The following RIMS2 variants were observed in gnomAD, a reference collection of about 807,000 sequenced individuals.
RIMS2 encodes the protein regulating synaptic membrane exocytosis protein 2.
In RIMS2, 59 loss-of-function variants were observed where a neutral mutation model predicts 174.4. That is an observed-to-expected ratio of 0.34 (90% CI 0.27 to 0.42). The LOEUF is 0.42. RIMS2 is among the 10% of genes least tolerant of loss of function. The pLI, the probability that RIMS2 is intolerant of heterozygous loss-of-function variation, is 1.00. For synonymous variants in RIMS2, 606 were observed against 572.5 expected (o/e 1.06, Z -0.84); for missense variants, 1,620 against 1,666.3 (o/e 0.97, Z 0.48).
Position 103,998,102 on chromosome 8 carries a change from T to A in RIMS2, c.3044+8681T>A. ...CTTACTGTCTGCCTATCTTTTAAAA[T>A]CTCACTTTTTAAATTAAACTATACT... On this transcript the variant is annotated intron_variant, in intron 17 of 23. Coordinates refer to ENST00000504942, the Ensembl canonical transcript of RIMS2. 10 of 1,051,682 alleles carry A rather than the reference T, an allele frequency of 9.5e-6. No individual in the cohort carries two copies. The South Asian group carries it at 1.5e-4, about 15-fold the overall frequency. The allele number at this position is 1,051,682 out of a possible 1,614,324, so 65.1% of individuals were successfully genotyped here. A position where few individuals can be genotyped will look rare whatever the true frequency, so the allele number is the denominator to read the frequency against.
intron 1 of RIMS2, among the ~76,000 whole-genome samples, chr8:103,618,417 T>C (rs1281031770): frequency 1.3e-5 from 2 of 152,088 alleles, no homozygotes; most frequent in Non-Finnish European, 2.9e-5. Context: ...CAGCATATCA[T>C]TAATTTGTAA....
At chr8:103,782,639 T>G (rs768956513) in intron 3 of RIMS2, among the ~76,000 whole-genome samples, 1 of 152,182 alleles carries the variant, frequency 6.6e-6, no homozygotes. Flanking sequence ...GGGTTTTAGT[T>G]TCTAATTCAT....
chr8:104,074,689 AT>A (rs1253641534), intron 19 of RIMS2, among the ~76,000 whole-genome samples: 2 of 152,112 alleles, frequency 1.3e-5, no homozygotes, highest in African/African-American at 4.8e-5. Flanking sequence ...GGATATGAAG[AT>A]TTTTTTTAAT....
intron 1 of RIMS2, among the ~76,000 whole-genome samples, chr8:103,681,444 T>C (rs2096879356): frequency 1.3e-5 from 2 of 151,868 alleles, no homozygotes; most frequent in African/African-American, 4.8e-5. Flanking sequence ...GAAGGGAAAA[T>C]AGTTAATTAG....
At chr8:103,672,944 C>T (rs1387001425) in intron 1 of RIMS2, among the ~76,000 whole-genome samples, 2 of 152,180 alleles carry the variant, frequency 1.3e-5, no homozygotes, top group African/African-American at 4.8e-5. Context: ...TCTACTCCCA[C>T]AGTACAAGTG....
chr8:103,866,555 C>A (rs373578603), intron 3 of RIMS2, among the ~76,000 whole-genome samples: 17 of 152,032 alleles, frequency 1.1e-4, no homozygotes, highest in African/African-American at 3.9e-4. Context: ...TTTGAACAGT[C>A]ATTTCTCTTC....
At chr8:104,095,322 A>G (rs2097738558) in intron 19 of RIMS2, among the ~76,000 whole-genome samples, 2 of 152,308 alleles carry the variant, frequency 1.3e-5, no homozygotes, top group African/African-American at 4.8e-5. Flanking sequence ...GAAGATTACA[A>G]AGCAGGAGCA....
intron 19 of RIMS2, among the ~76,000 whole-genome samples, chr8:104,235,559 T>C (rs529349577): frequency 4.0e-5 from 6 of 151,840 alleles, no homozygotes; most frequent in Non-Finnish European, 8.8e-5. Context: ...TTTGAAATAT[T>C]TTAAATATGA....
chr8:103,916,388 A>G (rs750436911), intron 7 of RIMS2, 26 bp from the exon 11 acceptor site: 4 of 1,559,578 alleles, frequency 2.6e-6, no homozygotes, highest in Non-Finnish European at 2.6e-6. Flanking sequence ...TCTGTATAAG[A>G]TTATTATTAC....
chr8:103,906,956 A>G (rs1203854805), intron 4 of RIMS2, among the ~76,000 whole-genome samples: 1 of 152,242 alleles, frequency 6.6e-6, no homozygotes, highest in African/African-American at 2.4e-5. Context: ...TATTTGTGCC[A>G]TGAAAAAGCT....
intron 3 of RIMS2, among the ~76,000 whole-genome samples, chr8:103,851,959 CAT>C (rs931323204): frequency 1.3e-4 from 19 of 151,912 alleles, no homozygotes; most frequent in African/African-American, 4.6e-4. Context: ...TTGTATCTCT[CAT>C]GTGTAGATGC....
intron 19 of RIMS2, among the ~76,000 whole-genome samples, chr8:104,121,089 G>A (rs547109162): frequency 6.6e-6 from 1 of 151,670 alleles, no homozygotes; most frequent in African/African-American, 2.4e-5. Flanking sequence ...TTCGTGGTGC[G>A]ATACTGAAAT....
intron 1 of RIMS2, among the ~76,000 whole-genome samples, chr8:103,589,462 C>T (rs1402007414): frequency 6.6e-6 from 1 of 151,470 alleles, no homozygotes; most frequent in Non-Finnish European, 1.5e-5. Context: ...AAAAGGGAAC[C>T]CTTGTACACT....
At chr8:104,037,201 G>C (rs1361266229) in intron 19 of RIMS2, among the ~76,000 whole-genome samples, 1 of 152,088 alleles carries the variant, frequency 6.6e-6, no homozygotes, top group African/African-American at 2.4e-5. Flanking sequence ...TATCACTGAG[G>C]TCCTCCTACT....
intron 1 of RIMS2, among the ~76,000 whole-genome samples, chr8:103,601,837 G>A (rs910632837): frequency 2.0e-5 from 3 of 151,664 alleles, no homozygotes; most frequent in African/African-American, 7.3e-5. Context: ...TGAGGTTACT[G>A]TGAGGCTTGC....
intron 19 of RIMS2, among the ~76,000 whole-genome samples, chr8:104,186,207 G>C (rs2098967251): frequency 6.6e-6 from 1 of 151,672 alleles, no homozygotes; most frequent in South Asian, 2.1e-4. Context: ...GACGTACAGT[G>C]TGGAATTACA....
intron 17 of RIMS2, chr8:103,998,048 CTTTCCAATAACAG>C: frequency 1.7e-6 from 1 of 602,494 alleles, no homozygotes; most frequent in South Asian, 2.2e-5. Flanking sequence ...AGGGGGCAAG[CTTTCCAATAACAG>C]TTTCCATGTG....
chr8:103,862,808 T>C (rs2099065595), intron 3 of RIMS2, among the ~76,000 whole-genome samples: 1 of 152,118 alleles, frequency 6.6e-6, no homozygotes, highest in Non-Finnish European at 1.5e-5. Flanking sequence ...ACTGATTTTG[T>C]GTAGGTTGAT....
At chr8:104,125,411 T>G (rs1392027960) in intron 19 of RIMS2, among the ~76,000 whole-genome samples, 1 of 152,202 alleles carries the variant, frequency 6.6e-6, no homozygotes, top group African/African-American at 2.4e-5. Context: ...ATCATAGTAC[T>G]TATATCAGAT....
Sources: gnomAD v4.1 joint callset for allele counts (sites outside exome capture counted in the v4.1 genomes callset) on GRCh38, gnomAD v4.1.1 for gene constraint, MANE v1.5 for transcripts, NCBI Gene and HGNC (gene_info 2026-07-23, HGNC 2026-07-21) for gene names.